Variants in TSPAN7 observed in about 807,000 individuals in gnomAD.
TSPAN7 encodes tetraspanin-7.
A neutral mutation model predicts 17.6 loss-of-function variants in TSPAN7; 1 was observed. The ratio of observed to expected loss-of-function variants is 0.06; its 90% CI spans 0.02 to 0.27. The LOEUF (loss-of-function observed/expected upper bound fraction) is 0.27. TSPAN7 is among the 10% of genes least tolerant of loss of function. TSPAN7 has a pLI of 1.00. For synonymous variants in TSPAN7, 78 were observed against 79.0 expected (o/e 0.99, Z 0.07); for missense variants, 112 against 201.7 (o/e 0.56, Z 2.69).
chrX:38,585,699 C>T (rs186820935), intron 1 of TSPAN7, among the ~76,000 whole-genome samples: 5 of 111,473 alleles, frequency 4.5e-5, no homozygotes, highest in East Asian at 5.6e-4. Flanking sequence ...GGAGGTGTTT[C>T]GATCACGGAG....
intron 6 of TSPAN7, among the ~76,000 whole-genome samples, chrX:38,686,916 A>G (rs867055841): frequency 2.7e-5 from 3 of 111,125 alleles, no homozygotes; most frequent in African/African-American, 9.8e-5. Context: ...CCCTAAAAAA[A>G]CTGGGAGGTG....
chrX:38,569,267 A>G (rs1417876258), intron 1 of TSPAN7, among the ~76,000 whole-genome samples: 1 of 111,151 alleles, frequency 9.0e-6, no homozygotes, highest in African/African-American at 3.3e-5. Flanking sequence ...CTCATCAGAT[A>G]TCCTACAGAA....
chrX:38,596,649 T>G (rs756890086), intron 1 of TSPAN7, among the ~76,000 whole-genome samples: 7 of 111,228 alleles, frequency 6.3e-5, no homozygotes, highest in Non-Finnish European at 1.3e-4. Context: ...TAGTTAGAAA[T>G]GCAGAATCCT....
At chrX:38,669,738 A>G (rs1172113397) in intron 2 of TSPAN7, among the ~76,000 whole-genome samples, 1 of 112,414 alleles carries the variant, frequency 8.9e-6, no homozygotes, top group Non-Finnish European at 1.9e-5. Flanking sequence ...AACTATGTCT[A>G]CTTTATGGAA....
At position 38,583,949 on chromosome X, in the gene TSPAN7, CTTTTTTTTT is replaced by C. The variant is rs34777484; in HGVS notation, c.81+22336_81+22344del. Among the ~76,000 whole-genome samples the C allele has an allele frequency of 1.7e-3, 114 of 66,955 alleles. 1 individual carries two copies. In the South Asian group the frequency reaches 0.032, roughly 19 times the overall value. 58.1% of individuals were successfully genotyped at this position (66,955 alleles called of 115,157 possible). A position where few individuals can be genotyped will look rare whatever the true frequency, so the allele number is the denominator to read the frequency against. On this transcript the variant is annotated intron_variant, in intron 1 of 7. Coordinates refer to ENST00000378482, the MANE Select transcript of TSPAN7 (RefSeq NM_004615.4). The stretch of plus-strand genomic sequence containing the variant: ...GATTTTTTTTTCTTTTTTTTCTTTT[CTTTTTTTTT>C]TTTTTTTTTTTTTGAGATAGAGTCT...
intron 1 of TSPAN7, among the ~76,000 whole-genome samples, chrX:38,606,451 C>T (rs1333164939): frequency 8.9e-6 from 1 of 111,818 alleles, no homozygotes; most frequent in African/African-American, 3.3e-5. Context: ...ATAATAAAAA[C>T]AAGACATCAG....
At chrX:38,653,271 C>G (rs1025282996) in intron 1 of TSPAN7, among the ~76,000 whole-genome samples, 4 of 111,607 alleles carry the variant, frequency 3.6e-5, no homozygotes, top group African/African-American at 1.3e-4. Flanking sequence ...AGACTGTGCC[C>G]TTCGTTCATG....
chrX:38,616,013 C>T (rs1456417565), intron 1 of TSPAN7, among the ~76,000 whole-genome samples: 1 of 111,807 alleles, frequency 8.9e-6, no homozygotes, highest in Admixed American at 9.5e-5. Flanking sequence ...CCTCTCTGGG[C>T]CTGTTTCTGC....
intron 1 of TSPAN7, among the ~76,000 whole-genome samples, chrX:38,565,112 A>G (rs1263436006): frequency 2.7e-5 from 3 of 112,275 alleles, no homozygotes; most frequent in African/African-American, 9.7e-5. Context: ...CAGTTGGTAA[A>G]TCTTTCTTCA....
rs1010234343 is a variant in TSPAN7 at position 38,625,410 on chromosome X, G to T, written c.82-40711G>T. Among the ~76,000 whole-genome samples, 7 of 111,583 alleles carry T rather than the reference G, an allele frequency of 6.3e-5. No homozygotes were observed. In the Admixed American group the frequency reaches 6.7e-4, roughly 11 times the overall value. ...AGAGTTAGGTGTGGTCAGGTGGCTG[G>T]GTTCTAGTTGATAATGAAAGCAGAA... On this transcript the variant is annotated intron_variant, in intron 1 of 7. Coordinates refer to ENST00000378482, the MANE Select transcript of TSPAN7 (RefSeq NM_004615.4).
intron 6 of TSPAN7, among the ~76,000 whole-genome samples, chrX:38,686,619 G>T (rs1273049135): frequency 8.9e-6 from 1 of 111,924 alleles, no homozygotes; most frequent in Non-Finnish European, 1.9e-5. Flanking sequence ...AGTAAAACAT[G>T]CCCAGTTATC....
At chrX:38,600,324 GAAAGCCT>G (rs2069339126) in intron 1 of TSPAN7, among the ~76,000 whole-genome samples, 1 of 111,628 alleles carries the variant, frequency 9.0e-6, no homozygotes, top group African/African-American at 3.2e-5. Flanking sequence ...TACCCAGCTG[GAAAGCCT>G]AAACATACAA....
chrX:38,566,064 A>G (rs1004817140), intron 1 of TSPAN7, among the ~76,000 whole-genome samples: 3 of 112,368 alleles, frequency 2.7e-5, no homozygotes, highest in Non-Finnish European at 5.6e-5. Context: ...CCTGTGAAGA[A>G]AAAATGGAGC....
intron 1 of TSPAN7, among the ~76,000 whole-genome samples, chrX:38,604,141 C>T (rs1476816631): frequency 5.0e-5 from 5 of 100,946 alleles, no homozygotes; most frequent in South Asian, 1.0e-3. Flanking sequence ...TTTGTTCTTG[C>T]GATAGTTTAC....
intron 1 of TSPAN7, among the ~76,000 whole-genome samples, chrX:38,650,221 A>G (rs1163849732): frequency 1.8e-5 from 2 of 112,559 alleles, no homozygotes; most frequent in Non-Finnish European, 3.8e-5. Context: ...CATGGCCCTC[A>G]GGAAGCCCCT....
intron 1 of TSPAN7, 149 bp from the exon 2 acceptor site, chrX:38,665,972 A>G (rs1296496675): frequency 1.9e-6 from 1 of 513,690 alleles, no homozygotes; most frequent in African/African-American, 2.4e-5. Context: ...TTTAGTTAAC[A>G]CTCTCTGACA....
Position 38,617,975 on chromosome X carries a change from T to A in TSPAN7, c.82-48146T>A, listed in dbSNP as rs1375306459. Among the ~76,000 whole-genome samples, 4 of 111,809 alleles carry A rather than the reference T, an allele frequency of 3.6e-5. No individual in the cohort carries two copies. The Admixed American group carries it at 3.8e-4, about 11-fold the overall frequency. ...ATGGAGACTTAAGCGATACGATGATTTAAAAATATTTTGGGTGGATTAAGG... is the reference window on the plus strand; with the variant it reads ...ATGGAGACTTAAGCGATACGATGATATAAAAATATTTTGGGTGGATTAAGG... On this transcript the variant is annotated intron_variant, in intron 1 of 7. Transcript: ENST00000378482.
chrX:38,616,569 A>G (rs1405451647), intron 1 of TSPAN7, among the ~76,000 whole-genome samples: 3 of 112,175 alleles, frequency 2.7e-5, no homozygotes, highest in East Asian at 2.8e-4. Context: ...TACTAAAGAC[A>G]GAAACTTAAA....
At chrX:38,594,947 G>A (rs746906259) in intron 1 of TSPAN7, among the ~76,000 whole-genome samples, 3 of 111,343 alleles carry the variant, frequency 2.7e-5, no homozygotes, top group Non-Finnish European at 3.8e-5. Context: ...TCAGTTTATA[G>A]AGATCTTCCT....
Sources: gnomAD v4.1 joint callset for allele counts (sites outside exome capture counted in the v4.1 genomes callset) on GRCh38, gnomAD v4.1.1 for gene constraint, MANE v1.5 for transcripts, NCBI Gene and HGNC (gene_info 2026-07-23, HGNC 2026-07-21) for gene names.